HSD17B11: variants seen among roughly 807,000 people sequenced by gnomAD.
HSD17B11 encodes estradiol 17-beta-dehydrogenase 11.
In HSD17B11, 22 loss-of-function variants were observed where a neutral mutation model predicts 27.8. The observed-to-expected ratio is 0.79, with a 90% CI of 0.56 to 1.13. The LOEUF is 1.13. HSD17B11 is among the 50% of genes most tolerant of loss of function. The pLI is 0.00. For synonymous variants in HSD17B11, 117 were observed against 132.8 expected (o/e 0.88, Z 0.82); for missense variants, 314 against 351.1 (o/e 0.89, Z 0.84).
intron 5 of HSD17B11, among the ~76,000 whole-genome samples, chr4:87,353,557 T>G (rs1006906957): frequency 6.6e-6 from 1 of 152,198 alleles, no homozygotes; most frequent in Non-Finnish European, 1.5e-5. Context: ...TTAGCCAGGT[T>G]TATATTCAGC....
intron 4 of HSD17B11, 39 bp from the exon 5 acceptor site, chr4:87,357,455 G>T: frequency 6.3e-7 from 1 of 1,586,150 alleles, no homozygotes; most frequent in South Asian, 1.1e-5. Flanking sequence ...CAAGAATTCT[G>T]AAATGTCTGC....
At chr4:87,378,691 C>G (rs1719974592) in intron 2 of HSD17B11, among the ~76,000 whole-genome samples, 1 of 146,698 alleles carries the variant, frequency 6.8e-6, no homozygotes, top group Non-Finnish European at 1.5e-5. Context: ...CCTTCCCAGC[C>G]TCTGGTAACC....
intron 6 of HSD17B11, among the ~76,000 whole-genome samples, chr4:87,339,675 G>A (rs1249927587): frequency 6.6e-6 from 1 of 152,178 alleles, no homozygotes; most frequent in Non-Finnish European, 1.5e-5. Context: ...ATGAAGCAGT[G>A]TGTTATGATG....
intron 4 of HSD17B11, among the ~76,000 whole-genome samples, chr4:87,369,118 C>A (rs1735662710): frequency 6.6e-6 from 1 of 152,150 alleles, no homozygotes; most frequent in Non-Finnish European, 1.5e-5. Context: ...GTGAAGCTAT[C>A]CATAAATTTA....
chr4:87,388,954 C>G (rs533346181), intron 1 of HSD17B11, among the ~76,000 whole-genome samples: 2 of 152,336 alleles, frequency 1.3e-5, no homozygotes, highest in Non-Finnish European at 2.9e-5. Context: ...GTGTGTTTAC[C>G]TTATACCACA....
At chr4:87,363,366 G>T (rs1578039282) in intron 4 of HSD17B11, among the ~76,000 whole-genome samples, 1 of 152,152 alleles carries the variant, frequency 6.6e-6, no homozygotes, top group South Asian at 2.1e-4. Flanking sequence ...AGAATTCTAA[G>T]GCTAGTCTTA....
intron 2 of HSD17B11, 67 bp from the exon 3 acceptor site, chr4:87,374,897 C>CT (rs1390348747): frequency 6.7e-6 from 8 of 1,197,752 alleles, no homozygotes; most frequent in Non-Finnish European, 9.2e-6. Context: ...TACACAATGG[C>CT]TATTTTTTTT....
At chr4:87,376,517 A>AC (rs1214531802) in intron 2 of HSD17B11, among the ~76,000 whole-genome samples, 1 of 148,260 alleles carries the variant, frequency 6.7e-6, no homozygotes, top group Non-Finnish European at 1.5e-5. Flanking sequence ...AAAAAAAAAA[A>AC]AAAAACCCAA....
Position 87,374,743 on chromosome 4 carries a change from G to A in HSD17B11, c.406C>T (p.Gln136Ter). The change falls in exon 3 of 7, where the codon CAG becomes TAG. Residue 136 changes from glutamine (Q) to a stop codon, truncating the protein, a stop_gained. Transcript: ENST00000358290. LOFTEE classifies it high-confidence loss of function. The stretch of plus-strand genomic sequence containing the variant: ...TTAACTTCAAAAGTCTTTTCAATCT[G>A]AGGATCTTGTGTAGCAAACAAATCT... ...TSDLFATQDP[Q>*]IEKTFEVNVL... 6.2e-7 allele frequency: 1 copy of A among 1,609,754 alleles called. No individual in the cohort carries two copies. The highest frequency in any genetic ancestry group is 8.5e-7 in the Non-Finnish European group (1 of 1,178,770).
intron 4 of HSD17B11, among the ~76,000 whole-genome samples, chr4:87,358,489 T>C (rs977661393): frequency 1.1e-4 from 17 of 152,198 alleles, no homozygotes; most frequent in African/African-American, 3.9e-4. Context: ...TTTCTCAGGT[T>C]TTTTTAATTT....
intron 6 of HSD17B11, 83 bp downstream of exon 6, chr4:87,340,407 G>T: frequency 1.2e-6 from 1 of 829,374 alleles, no homozygotes; most frequent in Non-Finnish European, 1.9e-6. Context: ...TTTATCAACT[G>T]CCTGATTTAA....
rs1335196513 is a variant in HSD17B11, at chr4:87,374,739, A to C, written c.410T>G (p.Ile137Ser). 6.2e-7 allele frequency: 1 copy of C among 1,609,484 alleles called. No individual in the cohort carries two copies. Among genetic ancestry groups the C allele is most frequent in the Admixed American group, 1.7e-5 (1 of 58,690 alleles). ...SDLFATQDPQ[I>S]EKTFEVNVLA... ...TACATTAACTTCAAAAGTCTTTTCAATCTGAGGATCTTGTGTAGCAAACAA... is the reference window on the plus strand; with the variant it reads ...TACATTAACTTCAAAAGTCTTTTCACTCTGAGGATCTTGTGTAGCAAACAA... Residue 137 changes from isoleucine to serine, a missense_variant, in exon 3 of 7, where the codon ATT becomes AGT. Coordinates refer to ENST00000358290, the MANE Select transcript of HSD17B11 (RefSeq NM_016245.5).
intron 1 of HSD17B11, among the ~76,000 whole-genome samples, chr4:87,388,272 T>G (rs1720371120): frequency 6.6e-6 from 1 of 152,170 alleles, no homozygotes; most frequent in African/African-American, 2.4e-5. Context: ...CACAAAATTC[T>G]ACATTCTTTT....
intron 4 of HSD17B11, among the ~76,000 whole-genome samples, chr4:87,358,113 C>T (rs905074571): frequency 1.3e-5 from 2 of 151,888 alleles, no homozygotes. Context: ...AGGCGCCCGC[C>T]ACCATGCTCG....
intron 6 of HSD17B11, among the ~76,000 whole-genome samples, chr4:87,337,744 G>A (rs1467447016): frequency 6.6e-6 from 1 of 152,190 alleles, no homozygotes; most frequent in Non-Finnish European, 1.5e-5. Flanking sequence ...TTATTAAAAT[G>A]TTCCACTAAG....
At chr4:87,368,161 C>CA (rs1248639405) in intron 4 of HSD17B11, among the ~76,000 whole-genome samples, 10 of 152,064 alleles carry the variant, frequency 6.6e-5, no homozygotes, top group Admixed American at 5.2e-4. Context: ...ACTAAAAATA[C>CA]AAAAAATTAG....
intron 5 of HSD17B11, among the ~76,000 whole-genome samples, chr4:87,353,117 T>C (rs1412396438): frequency 9.4e-6 from 1 of 106,180 alleles, no homozygotes; most frequent in Non-Finnish European, 1.9e-5. Flanking sequence ...ACCGGAGCTG[T>C]TCCTATTCGG....
At chr4:87,386,137 T>A (rs1485759319) in intron 1 of HSD17B11, among the ~76,000 whole-genome samples, 1 of 152,104 alleles carries the variant, frequency 6.6e-6, no homozygotes, top group African/African-American at 2.4e-5. Flanking sequence ...CTGTCTCACT[T>A]TTGCCCTGTT....
At chr4:87,365,042 G>A (rs1299852286) in intron 4 of HSD17B11, among the ~76,000 whole-genome samples, 1 of 152,194 alleles carries the variant, frequency 6.6e-6, no homozygotes, top group Admixed American at 6.5e-5. Flanking sequence ...GGTGGTGGGC[G>A]CCTGTAATCC....
Sources: gnomAD v4.1 joint callset for allele counts (sites outside exome capture counted in the v4.1 genomes callset) on GRCh38, gnomAD v4.1.1 for gene constraint, MANE v1.5 for transcripts, NCBI Gene and HGNC (gene_info 2026-07-23, HGNC 2026-07-21) for gene names.